The following HEG1 variants were observed in gnomAD, a reference collection of about 807,000 sequenced individuals.
The protein encoded by HEG1 is protein HEG homolog 1.
Under a neutral mutation model 125.6 loss-of-function variants are expected in HEG1, and 56 were observed. That is an observed-to-expected ratio of 0.45 (90% CI 0.36 to 0.56). The LOEUF (loss-of-function observed/expected upper bound fraction) is 0.56, where lower values mean the gene tolerates loss of function less well. Ranked by LOEUF, HEG1 falls within the 20% of genes least tolerant of loss-of-function variation. The probability of loss-of-function intolerance (pLI) is 0.00; values close to 1 mark genes in which losing one functional copy is unlikely to be tolerated. For synonymous variants in HEG1, 644 were observed against 668.5 expected, an observed-to-expected ratio of 0.96 and a Z score of 0.57; for missense variants, 1,523 against 1,670.0, an observed-to-expected ratio of 0.91 and a Z score of 1.53.
intron 15 of HEG1, among the ~76,000 whole-genome samples, chr3:124,974,965 T>TCC (rs1936508978): frequency 1.3e-5 from 2 of 152,116 alleles, no homozygotes; most frequent in African/African-American, 4.8e-5. Context: ...ACAGGCTCCT[T>TCC]CCCCAAATGG....
In HEG1 at chr3:125,051,919, C is replaced by T. The variant is rs775388427; in HGVS notation, c.316+3656G>A. On this transcript the variant is annotated intron_variant, in intron 1 of 16. Coordinates refer to ENST00000311127, the MANE Select transcript of HEG1 (RefSeq NM_020733.2). ...AGGGATCACCAGGAGGGCAGAGGCT[C>T]CTTCCCCAGCCTCCAGGACAAGGAT... Among the ~76,000 whole-genome samples the T allele has an allele frequency of 1.2e-4, 18 of 152,290 alleles. No individual in the cohort carries two copies. The Middle Eastern group carries it at 0.01, about 86-fold the overall frequency.
intron 1 of HEG1, among the ~76,000 whole-genome samples, chr3:125,052,763 T>C (rs1218377651): frequency 6.6e-6 from 1 of 151,910 alleles, no homozygotes; most frequent in Non-Finnish European, 1.5e-5. Context: ...GGGTGACGGG[T>C]GGGTGCAAAA....
intron 1 of HEG1, among the ~76,000 whole-genome samples, chr3:125,050,293 G>A (rs1937775947): frequency 6.6e-6 from 1 of 152,046 alleles, no homozygotes; most frequent in South Asian, 2.1e-4. Flanking sequence ...ACAGGCACAT[G>A]CCACCATGCC....
chr3:124,973,920 A>T lies in HEG1; in HGVS notation c.3822-15T>A. The T allele has an allele frequency of 6.3e-7, 1 of 1,576,254 alleles. No homozygotes were observed. The highest frequency in any genetic ancestry group is 8.7e-7 in the Non-Finnish European group (1 of 1,148,690). On this transcript the variant is annotated splice_polypyrimidine_tract_variant and intron_variant, in intron 15 of 16. Transcript: ENST00000311127. The stretch of plus-strand genomic sequence containing the variant: ...TTTTATTCTTTCTGTGGGATACAAA[A>T]ATATTTGTAAAGCTCAATTCCGTAA...
At chr3:125,018,028 C>CAA (rs1298385379) in intron 5 of HEG1, among the ~76,000 whole-genome samples, 1 of 135,780 alleles carries the variant, frequency 7.4e-6, no homozygotes, top group Admixed American at 7.4e-5. Context: ...GACTCCATCT[C>CAA]AAAAAAAAAA....
chr3:125,023,764 G>A (rs1345934905), intron 3 of HEG1, among the ~76,000 whole-genome samples: 1 of 152,108 alleles, frequency 6.6e-6, no homozygotes, highest in Admixed American at 6.6e-5. Context: ...GCCATTCAAC[G>A]ACGGAAAGAC....
intron 1 of HEG1, among the ~76,000 whole-genome samples, chr3:125,054,982 G>A (rs1365506560): frequency 6.6e-6 from 1 of 152,150 alleles, no homozygotes; most frequent in East Asian, 1.9e-4. Context: ...AAAGGAAAGG[G>A]GAGGGAGGAG....
chr3:125,018,386 G>A (rs1937285256), intron 5 of HEG1, among the ~76,000 whole-genome samples: 1 of 152,184 alleles, frequency 6.6e-6, no homozygotes, highest in South Asian at 2.1e-4. Flanking sequence ...AATGGGAGTT[G>A]ACTGCTGATG....
At chr3:125,036,643 G>A (rs111941969) in intron 1 of HEG1, among the ~76,000 whole-genome samples, 57 of 152,268 alleles carry the variant, frequency 3.7e-4, no homozygotes, top group African/African-American at 1.0e-3. Flanking sequence ...TGTACCCCTT[G>A]TAGACAAAGA....
At chr3:125,024,788 G>T (rs1349368695) in intron 3 of HEG1, among the ~76,000 whole-genome samples, 1 of 152,200 alleles carries the variant, frequency 6.6e-6, no homozygotes, top group Non-Finnish European at 1.5e-5. Context: ...CTGAATACAC[G>T]TGGAATCATA....
At chr3:125,012,157 G>T (rs966081331) in intron 6 of HEG1, among the ~76,000 whole-genome samples, 2 of 152,158 alleles carry the variant, frequency 1.3e-5, no homozygotes, top group Admixed American at 6.5e-5. Context: ...TGACTGGGGA[G>T]CCCCTGACTC....
At chr3:124,980,174 G>A (rs752873527) in intron 14 of HEG1, among the ~76,000 whole-genome samples, 3 of 152,134 alleles carry the variant, frequency 2.0e-5, no homozygotes, top group Non-Finnish European at 4.4e-5. Flanking sequence ...ATCATCCCTT[G>A]TCTGGACAAC....
At chr3:124,991,150 C>CT (rs140940360) in intron 12 of HEG1, among the ~76,000 whole-genome samples, 164 bp from the exon 13 acceptor site, 54,336 of 134,092 alleles carry the variant, frequency 0.41, 10,725 homozygotes, top group South Asian at 0.54. Context: ...CGGCACAACT[C>CT]TTTTTTTTTT....
At chr3:124,989,638 A>G (rs1451254251) in intron 14 of HEG1, among the ~76,000 whole-genome samples, 3 of 152,206 alleles carry the variant, frequency 2.0e-5, no homozygotes, top group Non-Finnish European at 4.4e-5. Context: ...CCCCGCTCAC[A>G]GTCCCCACCA....
chr3:125,007,515 G>A (rs1020270627), intron 8 of HEG1, among the ~76,000 whole-genome samples: 1 of 152,156 alleles, frequency 6.6e-6, no homozygotes, highest in African/African-American at 2.4e-5. Context: ...ATTCAGCACA[G>A]TTTATTGTTT....
chr3:124,984,395 T>C (rs1169625016), intron 14 of HEG1, among the ~76,000 whole-genome samples: 4 of 152,084 alleles, frequency 2.6e-5, no homozygotes, highest in African/African-American at 9.7e-5. Context: ...AAAAAATGTC[T>C]GTGGCCAGAA....
At chr3:124,973,190 T>A (rs1330761803) in intron 16 of HEG1, among the ~76,000 whole-genome samples, 3 of 151,808 alleles carry the variant, frequency 2.0e-5, no homozygotes, top group Non-Finnish European at 2.9e-5. Context: ...CCAGGCTAAT[T>A]TTTTGTAGAG....
chr3:125,024,366 G>T (rs1337654864), intron 3 of HEG1, among the ~76,000 whole-genome samples: 1 of 152,176 alleles, frequency 6.6e-6, no homozygotes. Flanking sequence ...TTTCCAGGAA[G>T]CTCAGTACTA....
chr3:124,970,942 A>C, intron 16 of HEG1, 141 bp from the exon 17 acceptor site: 1 of 743,668 alleles, frequency 1.3e-6, no homozygotes, highest in Admixed American at 2.8e-5. Flanking sequence ...AATTATTTCT[A>C]ATTTTTTTAA....
Sources: gnomAD v4.1 joint callset for allele counts (sites outside exome capture counted in the v4.1 genomes callset) on GRCh38, gnomAD v4.1.1 for gene constraint, MANE v1.5 for transcripts, NCBI Gene and HGNC (gene_info 2026-07-23, HGNC 2026-07-21) for gene names.